The following DCDC1 variants were observed in gnomAD, a reference collection of about 807,000 sequenced individuals.
DCDC1 encodes the protein doublecortin domain-containing protein 1.
A neutral mutation model predicts 178.3 loss-of-function variants in DCDC1; 200 were observed. The observed-to-expected ratio is 1.12, with a 90% CI of 1.00 to 1.26. The LOEUF is 1.26. DCDC1 is among the 50% of genes most tolerant of loss of function. The pLI is 0.00. For synonymous variants in DCDC1, 690 were observed against 604.8 expected (o/e 1.14, Z -2.07); for missense variants, 1,983 against 1,749.2 (o/e 1.13, Z -2.38).
intron 21 of DCDC1, among the ~76,000 whole-genome samples, chr11:30,948,104 C>T (rs990785020): frequency 1.2e-4 from 18 of 152,182 alleles, no homozygotes; most frequent in African/African-American, 4.3e-4. Context: ...TTTAGAAAAC[C>T]TCATCATCTC....
At chr11:30,902,511 CAT>C (rs1439295228) in intron 32 of DCDC1, among the ~76,000 whole-genome samples, 4 of 151,956 alleles carry the variant, frequency 2.6e-5, no homozygotes, top group African/African-American at 9.7e-5. Context: ...TATATATACA[CAT>C]ATATGTGTGT....
At chr11:31,219,835 G>C (rs1354507607) in intron 9 of DCDC1, among the ~76,000 whole-genome samples, 1 of 152,022 alleles carries the variant, frequency 6.6e-6, no homozygotes, top group Non-Finnish European at 1.5e-5. Flanking sequence ...AGTGTTTACA[G>C]GTATAATCTC....
At chr11:31,197,047 A>G (rs1970775095) in intron 9 of DCDC1, among the ~76,000 whole-genome samples, 1 of 152,156 alleles carries the variant, frequency 6.6e-6, no homozygotes, top group Non-Finnish European at 1.5e-5. Flanking sequence ...TCAGGAAATT[A>G]CAAGGATTTT....
At position 31,064,347 on chromosome 11, in the gene DCDC1, G is replaced by C. The variant is rs530430564; in HGVS notation, c.2591+122C>G. ...TCAAATGTGACCCAAAAACTACTAC[G>C]CTTGAAAGCCAAAGGGCTTTTGAGA... On this transcript the variant is annotated intron_variant, in intron 20 of 38. Coordinates refer to ENST00000684477, the MANE Select transcript of DCDC1 (RefSeq NM_001387274.1). The C allele has an allele frequency of 6.7e-6, 4 of 596,140 alleles. No individual in the cohort carries two copies. The African/African-American group carries it at 7.4e-5, about 11-fold the overall frequency. The allele number at this position is 596,140 out of a possible 1,614,324, so 36.9% of individuals were successfully genotyped here. A position where few individuals can be genotyped will look rare whatever the true frequency, so the allele number is the denominator to read the frequency against.
chr11:30,921,764 C>T (rs1456546421), intron 24 of DCDC1, among the ~76,000 whole-genome samples: 2 of 152,152 alleles, frequency 1.3e-5, no homozygotes, highest in Non-Finnish European at 2.9e-5. Flanking sequence ...CCCATTGTCC[C>T]CTTTTGAGCT....
At chr11:31,050,206 C>T (rs950439901) in intron 20 of DCDC1, among the ~76,000 whole-genome samples, 7 of 152,048 alleles carry the variant, frequency 4.6e-5, no homozygotes, top group African/African-American at 1.4e-4. Flanking sequence ...TGCATGGGAG[C>T]GGGGTGAGGC....
intron 17 of DCDC1, among the ~76,000 whole-genome samples, chr11:31,079,016 G>A (rs1957024840): frequency 6.6e-6 from 1 of 152,090 alleles, no homozygotes; most frequent in Non-Finnish European, 1.5e-5. Context: ...TGGGTTCTGG[G>A]CACAGAGCTT....
intron 10 of DCDC1, among the ~76,000 whole-genome samples, chr11:31,134,744 C>T (rs189224020): frequency 3.0e-4 from 45 of 152,302 alleles, no homozygotes; most frequent in African/African-American, 1.0e-3. Flanking sequence ...TCTGTAATCC[C>T]AGCATTTTGG....
At chr11:30,908,894 A>G in intron 29 of DCDC1, 52 bp downstream of exon 29, 1 of 1,451,124 alleles carries the variant, frequency 6.9e-7, no homozygotes, top group Non-Finnish European at 9.2e-7. Context: ...TTATTAAATT[A>G]CTCTCTTTTA....
chr11:31,330,280 G>T (rs1591778697), intron 2 of DCDC1, among the ~76,000 whole-genome samples: 1 of 152,066 alleles, frequency 6.6e-6, no homozygotes, highest in East Asian at 1.9e-4. Context: ...TAAGTTCTTT[G>T]TAGATTCTGG....
chr11:31,172,878 C>T (rs1190636716), intron 9 of DCDC1, among the ~76,000 whole-genome samples: 2 of 152,058 alleles, frequency 1.3e-5, no homozygotes, highest in African/African-American at 4.8e-5. Flanking sequence ...TCATGCAGTT[C>T]AAACCCATGT....
At position 30,902,327 on chromosome 11, in the gene DCDC1, C is replaced by T. The variant is rs532349148; in HGVS notation, c.4510+1155G>A. 5.9e-5 allele frequency among the ~76,000 whole-genome samples: 9 copies of T among 152,240 alleles called. No homozygotes were observed. In the South Asian group the frequency reaches 1.4e-3, roughly 25 times the overall value. On this transcript the variant is annotated intron_variant, in intron 32 of 38. Transcript: ENST00000684477. ...CAAAACATTCTTCCCCTCTGGAGAA[C>T]GTAACCCTCACCAGACAACCAGATC...
chr11:31,303,216 A>G (rs541579591), intron 6 of DCDC1, among the ~76,000 whole-genome samples: 1 of 152,194 alleles, frequency 6.6e-6, no homozygotes, highest in Non-Finnish European at 1.5e-5. Flanking sequence ...GACCTGGCCT[A>G]GTATCTAGCA....
intron 10 of DCDC1, among the ~76,000 whole-genome samples, chr11:31,134,819 A>G (rs1435370761): frequency 6.6e-6 from 1 of 152,106 alleles, no homozygotes; most frequent in African/African-American, 2.4e-5. Context: ...ACATAGCAAG[A>G]CCCTATCTCT....
rs898040238 is a variant in DCDC1 at position 31,197,528 on chromosome 11, A to C, written c.1221+43922T>G. 7.9e-5 allele frequency among the ~76,000 whole-genome samples: 12 copies of C among 152,120 alleles called. No homozygotes were observed. In the South Asian group the frequency reaches 1.0e-3, roughly 13 times the overall value. ...ATTCTTACCTCTTAGAAATAGGCTT[A>C]CAGACATTAAGTGAATTACCTGAAG... On this transcript the variant is annotated intron_variant, in intron 9 of 38. Coordinates refer to ENST00000684477, the MANE Select transcript of DCDC1 (RefSeq NM_001387274.1).
chr11:31,002,515 A>G (rs1187590289), intron 20 of DCDC1, among the ~76,000 whole-genome samples: 2 of 152,176 alleles, frequency 1.3e-5, no homozygotes, highest in Non-Finnish European at 2.9e-5. Flanking sequence ...ACTAACAATG[A>G]TGATTCTCGA....
At chr11:31,257,140 T>C (rs1342814555) in intron 8 of DCDC1, among the ~76,000 whole-genome samples, 2 of 152,202 alleles carry the variant, frequency 1.3e-5, no homozygotes, top group Non-Finnish European at 2.9e-5. Flanking sequence ...ACATGCATGA[T>C]GGTGAGGTTC....
chr11:31,364,851 AG>A (rs1431615795), intron 1 of DCDC1, among the ~76,000 whole-genome samples: 1 of 151,812 alleles, frequency 6.6e-6, no homozygotes, highest in Non-Finnish European at 1.5e-5. Flanking sequence ...AAAAAAAAAA[AG>A]AAGAAAGGAA....
intron 9 of DCDC1, among the ~76,000 whole-genome samples, chr11:31,175,327 C>G (rs77029817): frequency 0.021 from 3,133 of 152,296 alleles, 96 homozygotes; most frequent in African/African-American, 0.07. Flanking sequence ...CAACCATAAC[C>G]CTGATGGCTC....
Sources: gnomAD v4.1 joint callset for allele counts (sites outside exome capture counted in the v4.1 genomes callset) on GRCh38, gnomAD v4.1.1 for gene constraint, MANE v1.5 for transcripts, NCBI Gene and HGNC (gene_info 2026-07-23, HGNC 2026-07-21) for gene names.